The following KCNH2 variants were observed in gnomAD, a reference collection of about 807,000 sequenced individuals.
KCNH2 encodes the protein potassium voltage-gated channel subfamily H member 2.
Under a neutral mutation model 95.9 loss-of-function variants are expected in KCNH2, and 35 were observed. That is an observed-to-expected ratio of 0.37 (90% confidence interval 0.28 to 0.48). The LOEUF (loss-of-function observed/expected upper bound fraction) is 0.48. KCNH2 is among the 20% of genes least tolerant of loss of function. The pLI is 0.99. For synonymous variants in KCNH2, 786 were observed against 754.7 expected (o/e 1.04, Z -0.68); for missense variants, 1,274 against 1,702.9 (o/e 0.75, Z 4.43).
Position 150,947,561 on chromosome 7 carries a change from G to A in KCNH2, c.2965+45C>T, listed in dbSNP as rs370466077. On this transcript the variant is annotated intron_variant, in intron 12 of 14. Coordinates refer to ENST00000262186, the MANE Select transcript of KCNH2 (RefSeq NM_000238.4). ...GGGTGAGCGGGGTAGACGCACCACC[G>A]CTGCCACGCCCGGTCCTCCCTCGCC... The A allele has an allele frequency of 1.1e-5, 18 of 1,605,296 alleles. 1 individual carries two copies. In the East Asian group the frequency reaches 1.1e-4, roughly 10 times the overall value.
rs373414022 is a variant in KCNH2, at chr7:150,947,372, G to A, written c.3108C>T (p.Gly1036=). The change falls in exon 13 of 15, where the codon GGC becomes GGT. Residue 1036 remains glycine (G), a synonymous_variant. Transcript: ENST00000262186. ...PLSSPGRRPR[G]DVESRLDALQ... Reference sequence around the variant, plus strand: ...GGGCATCCAGCCTGCTCTCCACGTCGCCCCGGGGCCGCCGACCCGGGCTGG... The same window carrying A: ...GGGCATCCAGCCTGCTCTCCACGTCACCCCGGGGCCGCCGACCCGGGCTGG... 62 of 1,547,114 alleles carry A rather than the reference G, an allele frequency of 4.0e-5. No individual in the cohort carries two copies. Among genetic ancestry groups the A allele is most frequent in the Non-Finnish European group, 5.1e-5 (58 of 1,146,922 alleles).
intron 11 of KCNH2, 67 bp downstream of exon 11, chr7:150,948,372 GCCCAC>G (rs1800996577): frequency 1.6e-6 from 2 of 1,264,856 alleles, no homozygotes; most frequent in Non-Finnish European, 2.2e-6. Flanking sequence ...AGCAGACACG[GCCCAC>G]CCCGCCTTCC....
chr7:150,947,368 C>A lies in KCNH2; in HGVS notation c.3112G>T (p.Val1038Leu), dbSNP rs199473544. ...SSPGRRPRGD[V>L]ESRLDALQRQ... Reference sequence around the variant, plus strand: ...TGGAGGGCATCCAGCCTGCTCTCCACGTCGCCCCGGGGCCGCCGACCCGGG... The same window carrying A: ...TGGAGGGCATCCAGCCTGCTCTCCAAGTCGCCCCGGGGCCGCCGACCCGGG... The change falls in exon 13 of 15, where the codon GTG (valine) becomes TTG (leucine). Residue 1038 changes from valine to leucine, a missense_variant. Physicochemically the swap from Val to Leu is conservative, Grantham distance 32. This residue lies in a region of KCNH2 where 457 missense variants were observed against 416.1 expected (regional missense o/e 1.10). Coordinates refer to ENST00000262186, the MANE Select transcript of KCNH2 (RefSeq NM_000238.4). The A allele has an allele frequency of 5.8e-6, 9 of 1,546,754 alleles. No homozygotes were observed. The highest frequency in any genetic ancestry group is 5.5e-5 in the African/African-American group (4 of 73,044).
chr7:150,960,280 C>T (rs1801520446), intron 2 of KCNH2, among the ~76,000 whole-genome samples: 1 of 151,944 alleles, frequency 6.6e-6, no homozygotes, highest in South Asian at 2.1e-4. Flanking sequence ...ATAATTTTTT[C>T]TTTTTAAAAT....
intron 2 of KCNH2, among the ~76,000 whole-genome samples, chr7:150,960,248 C>T (rs1232163176): frequency 6.6e-6 from 1 of 152,082 alleles, no homozygotes. Context: ...TCATTTTTTC[C>T]ATCTATAAAA....
At chr7:150,969,628 T>G (rs1801788551) in intron 2 of KCNH2, among the ~76,000 whole-genome samples, 1 of 152,152 alleles carries the variant, frequency 6.6e-6, no homozygotes, top group Non-Finnish European at 1.5e-5. Flanking sequence ...GCCCACCCCA[T>G]TCATTCATTC....
intron 7 of KCNH2, 76 bp from the exon 8 acceptor site, chr7:150,951,196 G>T (rs942551390): frequency 3.1e-6 from 4 of 1,296,556 alleles, no homozygotes; most frequent in Non-Finnish European, 4.3e-6. Context: ...CTCAGGCCCC[G>T]CACCAGGTCA....
In KCNH2 at chr7:150,962,412, A is replaced by G. The variant is rs1415393995; in HGVS notation, c.308-2676T>C. ...CAGAATGGGCTGGAGACTGTCCCCA[A>G]CACAGGGCCCCAGAAATTCCAACCT... On this transcript the variant is annotated intron_variant, in intron 2 of 14. Transcript: ENST00000262186. The surrounding 1 kb of genome is among the most constrained non-coding windows in gnomAD (Gnocchi z 5.7). Among the ~76,000 whole-genome samples the G allele has an allele frequency of 3.9e-5, 6 of 152,162 alleles. No individual in the cohort carries two copies. Among genetic ancestry groups the G allele is most frequent in the Non-Finnish European group, 5.9e-5 (4 of 68,028 alleles).
chr7:150,951,350 C>CA, intron 7 of KCNH2, 98 bp downstream of exon 7: 2 of 1,122,298 alleles, frequency 1.8e-6, no homozygotes, highest in East Asian at 2.7e-5. Flanking sequence ...CTCTAAGTTC[C>CA]AGGGCCTCAC....
chr7:150,946,794 C>G lies in KCNH2; in HGVS notation c.3330+83G>C. ...AGGGAGGCTGGGCCACAGAGCCCAG[C>G]AGAAAGGCAGCAAAGCAGGTTTGGG... On this transcript the variant is annotated intron_variant, in intron 14 of 14. Transcript: ENST00000262186. This position sits in a 1 kb window ranked among gnomAD's most constrained non-coding sequence, Gnocchi z 6.5. The G allele has an allele frequency of 7.5e-7, 1 of 1,332,742 alleles. No individual in the cohort carries two copies. Among genetic ancestry groups the G allele is most frequent in the Non-Finnish European group, 1.0e-6 (1 of 953,540 alleles). The allele number at this position is 1,332,742 out of a possible 1,614,324, so 82.6% of individuals were successfully genotyped here. A position where few individuals can be genotyped will look rare whatever the true frequency, so the allele number is the denominator to read the frequency against.
intron 2 of KCNH2, among the ~76,000 whole-genome samples, chr7:150,966,402 C>T (rs1278079257): frequency 4.7e-5 from 6 of 128,386 alleles, no homozygotes; most frequent in Non-Finnish European, 9.5e-5. Context: ...CACACACACA[C>T]ACACACAGGA....
rs372231104 is a variant in KCNH2, at chr7:150,957,312, A to G, written c.1107T>C (p.Asn369=). The G allele has an allele frequency of 2.5e-6, 4 of 1,588,618 alleles. No individual in the cohort carries two copies. In the African/African-American group the frequency reaches 4.0e-5, roughly 16 times the overall value. ...IAPKIKERTH[N]VTEKVTQVLS... is the part of the protein sequence containing the mutation. ...CTACCTGGGTGACCTTCTCAGTGACATTGTGGGTTCGCTCCTTTATCTTAG... is the reference window on the plus strand; with the variant it reads ...CTACCTGGGTGACCTTCTCAGTGACGTTGTGGGTTCGCTCCTTTATCTTAG... Residue 369 remains asparagine (N), a synonymous_variant, in exon 5 of 15, where the codon AAT becomes AAC. Transcript: ENST00000262186.
rs368954514 is a variant in KCNH2, at chr7:150,947,486, G to A, written c.2994C>T (p.Phe998=). The change falls in exon 13 of 15, where the codon TTC becomes TTT. Residue 998 remains phenylalanine (F), a synonymous_variant. Transcript: ENST00000262186. The part of the protein sequence containing the change: ...SGAFSGVSNI[F]SFWGDSRGRQ... ...GGCCCCGACTGTCCCCCCAGAAGCT[G>A]AAAATGTTGGACACTCCTGAGAAGG... 106 of 1,584,662 alleles carry A rather than the reference G, an allele frequency of 6.7e-5. No homozygotes were observed. Among genetic ancestry groups the A allele is most frequent in the Admixed American group, 1.6e-4 (9 of 54,760 alleles).
chr7:150,963,855 G>T (rs963606180), intron 2 of KCNH2, among the ~76,000 whole-genome samples: 1 of 152,204 alleles, frequency 6.6e-6, no homozygotes, highest in Non-Finnish European at 1.5e-5. Flanking sequence ...GAGCGGGAGA[G>T]CCAGGCCTGG....
rs1282709676 is a variant in KCNH2, at chr7:150,959,698, T to G, written c.346A>C (p.Lys116Gln). Reference sequence around the variant, plus strand: ...ATGATGACAGCCCCATCCTCGTTCTTCACGGGCACCACATCCACCAGACAT... The same window carrying G: ...ATGATGACAGCCCCATCCTCGTTCTGCACGGGCACCACATCCACCAGACAT... The part of the protein sequence containing the change: ...FLCLVDVVPV[K>Q]NEDGAVIMFI... The change falls in exon 3 of 15, where the codon AAG (lysine) becomes CAG (glutamine). Residue 116 changes from lysine (K) to glutamine (Q), a missense_variant. Physicochemically the swap from Lys to Gln is moderately conservative, Grantham distance 53. Coordinates refer to ENST00000262186, the MANE Select transcript of KCNH2 (RefSeq NM_000238.4). 4 of 1,613,866 alleles carry G rather than the reference T, an allele frequency of 2.5e-6. No individual in the cohort carries two copies. Among genetic ancestry groups the G allele is most frequent in the Non-Finnish European group, 3.4e-6 (4 of 1,179,920 alleles).
intron 6 of KCNH2, 56 bp from the exon 7 acceptor site, chr7:150,951,891 A>AG: frequency 1.3e-6 from 2 of 1,487,812 alleles, no homozygotes; most frequent in Non-Finnish European, 1.8e-6. Context: ...GCAAGGGAGG[A>AG]GGGGAGGTGC....
intron 9 of KCNH2, chr7:150,949,361 T>A: frequency 7.9e-7 from 1 of 1,261,340 alleles, no homozygotes; most frequent in Non-Finnish European, 1.0e-6. Flanking sequence ...TTATAAGCAA[T>A]GTTCTTCAAA....
At chr7:150,973,390 C>G (rs916048677) in intron 2 of KCNH2, among the ~76,000 whole-genome samples, 2 of 152,158 alleles carry the variant, frequency 1.3e-5, no homozygotes, top group African/African-American at 4.8e-5. Flanking sequence ...TTCTTCATCC[C>G]CCAAAATGAA....
Position 150,946,947 on chromosome 7 carries a change from C to A in KCNH2, c.3260G>T (p.Gly1087Val). The A allele has an allele frequency of 6.2e-7, 1 of 1,603,770 alleles. No individual in the cohort carries two copies. The highest frequency in any genetic ancestry group is 8.5e-7 in the Non-Finnish European group (1 of 1,173,332). The change falls in exon 14 of 15, where the codon GGC (glycine) becomes GTC (valine). Residue 1087 changes from glycine (G) to valine (V), a missense_variant. This residue lies in a region of KCNH2 where 457 missense variants were observed against 416.1 expected (regional missense o/e 1.10). Transcript: ENST00000262186. The surrounding 1 kb of genome is among the most constrained non-coding windows in gnomAD (Gnocchi z 6.5). ...CAACAGCGGGGATGTGGAAGTGGGGCCAGGCCCCGGGGTGGTCACAGCACT... is the reference window on the plus strand; with the variant it reads ...CAACAGCGGGGATGTGGAAGTGGGGACAGGCCCCGGGGTGGTCACAGCACT... The part of the protein sequence containing the change: ...AYSAVTTPGP[G>V]PTSTSPLLPV...
Sources: gnomAD v4.1 joint callset for allele counts (sites outside exome capture counted in the v4.1 genomes callset) on GRCh38, gnomAD v4.1.1 for gene constraint, gnomAD v4.1.1 regional missense constraint, Gnocchi (gnomAD v3.1) non-coding constraint, MANE v1.5 for transcripts, NCBI Gene and HGNC (gene_info 2026-07-23, HGNC 2026-07-21) for gene names.